IGF1R: variants seen among roughly 807,000 people sequenced by gnomAD.
IGF1R encodes insulin like growth factor 1 receptor.
Under a neutral mutation model 144.6 loss-of-function variants are expected in IGF1R, and 44 were observed. The observed-to-expected ratio is 0.30, with a 90% CI of 0.24 to 0.39. IGF1R has a LOEUF of 0.39. IGF1R is among the 10% of genes least tolerant of loss of function. The pLI is 1.00. For missense variants in IGF1R, 1,355 were observed against 1,833.7 expected (o/e 0.74, Z 4.77); for synonymous variants, 795 against 722.8 (o/e 1.10, Z -1.60).
rs1359604774 is a variant in IGF1R at position 98,649,348 on chromosome 15, G to A, written c.-234G>A. The stretch of plus-strand genomic sequence containing the variant: ...CGGGTTCCCGACTCCGCCGAGCCCT[G>A]GGCCGCTGCTGCCGGCGCTGAGGGG... On this transcript the variant is annotated 5_prime_UTR_variant, in exon 1 of 21. Transcript: ENST00000650285. 4 of 226,040 alleles carry A rather than the reference G, an allele frequency of 1.8e-5. No homozygotes were observed. Among genetic ancestry groups the A allele is most frequent in the African/African-American group, 4.6e-5 (2 of 43,716 alleles). 14.0% of individuals were successfully genotyped at this position (226,040 alleles called of 1,614,324 possible).
chr15:98,952,038 C>T (rs1360455426), intron 20 of IGF1R, among the ~76,000 whole-genome samples: 1 of 152,192 alleles, frequency 6.6e-6, no homozygotes, highest in African/African-American at 2.4e-5. Flanking sequence ...ATTCTTAGCT[C>T]ATAGACCTTG....
chr15:98,804,851 C>A (rs1017483165), intron 2 of IGF1R, among the ~76,000 whole-genome samples: 1 of 152,148 alleles, frequency 6.6e-6, no homozygotes, highest in African/African-American at 2.4e-5. Flanking sequence ...TGCACCACCA[C>A]GCCTGGCTAA....
chr15:98,769,942 C>G (rs532049972), intron 2 of IGF1R, among the ~76,000 whole-genome samples: 15 of 152,188 alleles, frequency 9.9e-5, no homozygotes, highest in African/African-American at 3.1e-4. Flanking sequence ...CTGGATTATT[C>G]CGGTGAGTGT....
intron 2 of IGF1R, among the ~76,000 whole-genome samples, chr15:98,845,499 C>T (rs1337362372): frequency 3.3e-4 from 41 of 125,496 alleles, no homozygotes; most frequent in Admixed American, 8.8e-4. Flanking sequence ...CCTTCCTTCT[C>T]CTCCTCCCTC....
rs1482318272 is a variant in IGF1R, at chr15:98,856,987, A to AC, written c.641-34334dup. Among the ~76,000 whole-genome samples the AC allele has an allele frequency of 7.3e-5, 11 of 151,714 alleles. No homozygotes were observed. The South Asian group carries it at 2.3e-3, about 32-fold the overall frequency. The stretch of plus-strand genomic sequence containing the variant: ...TGATTTGCCCTTTCTCCTGTAAATG[A>AC]CCCCTTTCTCTTAAGTTTTGGGTGA... On this transcript the variant is annotated intron_variant, in intron 2 of 20. Coordinates refer to ENST00000650285, the MANE Select transcript of IGF1R (RefSeq NM_000875.5).
intron 1 of IGF1R, among the ~76,000 whole-genome samples, chr15:98,678,550 G>A (rs897714809): frequency 6.6e-6 from 1 of 151,674 alleles, no homozygotes; most frequent in Non-Finnish European, 1.5e-5. Context: ...TGTTGGTGTT[G>A]TTTTTAGTCT....
chr15:98,859,936 G>GA (rs1479145744), intron 2 of IGF1R, among the ~76,000 whole-genome samples: 1 of 152,152 alleles, frequency 6.6e-6, no homozygotes, highest in Non-Finnish European at 1.5e-5. Context: ...TTTCTTTTGA[G>GA]ATGGAGTCTT....
chr15:98,955,700 C>T (rs945490591), intron 20 of IGF1R, among the ~76,000 whole-genome samples: 3 of 152,256 alleles, frequency 2.0e-5, no homozygotes, highest in Non-Finnish European at 4.4e-5. Flanking sequence ...CTTCTCTTGG[C>T]AGGCCAGCTT....
intron 1 of IGF1R, among the ~76,000 whole-genome samples, chr15:98,706,329 A>C (rs2053861823): frequency 6.6e-6 from 1 of 152,258 alleles, no homozygotes; most frequent in African/African-American, 2.4e-5. Context: ...ACTTGGGATT[A>C]TTAAATCCTA....
intron 1 of IGF1R, among the ~76,000 whole-genome samples, chr15:98,702,643 A>T (rs2053763923): frequency 6.6e-6 from 1 of 152,186 alleles, no homozygotes; most frequent in Non-Finnish European, 1.5e-5. Context: ...GGCTTTCTTT[A>T]AAATGGCATC....
chr15:98,957,379 C>T lies in IGF1R; in HGVS notation c.4041C>T (p.Ala1347=), dbSNP rs749095736. 1.9e-6 allele frequency: 3 copies of T among 1,613,296 alleles called. No individual in the cohort carries two copies. The highest frequency in any genetic ancestry group is 1.3e-5 in the African/African-American group (1 of 74,956). ...GCTTCGACGAGAGACAGCCTTACGCCCACATGAACGGGGGCCGCAAGAACG... is the reference window on the plus strand; with the variant it reads ...GCTTCGACGAGAGACAGCCTTACGCTCACATGAACGGGGGCCGCAAGAACG... ...RASFDERQPY[A]HMNGGRKNER... is the part of the protein sequence containing the mutation. The change falls in exon 21 of 21, where the codon GCC becomes GCT. Residue 1347 remains alanine (A), a synonymous_variant. Coordinates refer to ENST00000650285, the MANE Select transcript of IGF1R (RefSeq NM_000875.5).
At chr15:98,846,729 A>T (rs570079173) in intron 2 of IGF1R, among the ~76,000 whole-genome samples, 1 of 152,360 alleles carries the variant, frequency 6.6e-6, no homozygotes, top group Non-Finnish European at 1.5e-5. Flanking sequence ...GCTGCCTTAA[A>T]GGCATTGGAT....
intron 5 of IGF1R, among the ~76,000 whole-genome samples, chr15:98,907,112 A>T (rs2014770690): frequency 6.6e-6 from 1 of 152,194 alleles, no homozygotes; most frequent in African/African-American, 2.4e-5. Flanking sequence ...GCACTAAGGG[A>T]TCTGCGCATG....
intron 1 of IGF1R, among the ~76,000 whole-genome samples, chr15:98,683,174 A>G (rs2053234513): frequency 6.6e-6 from 1 of 152,040 alleles, no homozygotes; most frequent in Non-Finnish European, 1.5e-5. Context: ...GTGTTCATCA[A>G]AAGGGGTGGA....
chr15:98,705,678 G>A (rs1397533584), intron 1 of IGF1R, among the ~76,000 whole-genome samples: 1 of 152,156 alleles, frequency 6.6e-6, no homozygotes, highest in Non-Finnish European at 1.5e-5. Flanking sequence ...CTCAGTTTCT[G>A]TCTTTGATTG....
At chr15:98,875,349 C>CTTTTTTTTTTT (rs34303390) in intron 2 of IGF1R, among the ~76,000 whole-genome samples, 11 of 130,170 alleles carry the variant, frequency 8.5e-5, no homozygotes, top group East Asian at 4.3e-4. Context: ...CTTTTCTTTT[C>CTTTTTTTTTTT]TTTTTTTTTT....
chr15:98,664,945 T>G (rs976733190), intron 1 of IGF1R, among the ~76,000 whole-genome samples: 1 of 150,420 alleles, frequency 6.6e-6, no homozygotes, highest in African/African-American at 2.5e-5. Flanking sequence ...ACTGCAGAAT[T>G]AGGAACCAGC....
chr15:98,788,064 G>C (rs7162690), intron 2 of IGF1R, among the ~76,000 whole-genome samples: 1 of 140,640 alleles, frequency 7.1e-6, no homozygotes, highest in African/African-American at 3.0e-5. Context: ...CTCTCTCTCT[G>C]TGTGTGTGTG....
intron 1 of IGF1R, among the ~76,000 whole-genome samples, chr15:98,657,428 A>G (rs2052512327): frequency 6.6e-6 from 1 of 152,222 alleles, no homozygotes; most frequent in Non-Finnish European, 1.5e-5. Flanking sequence ...TTGTGTCCAC[A>G]TTTATCTGTG....
Sources: gnomAD v4.1 joint callset for allele counts (sites outside exome capture counted in the v4.1 genomes callset) on GRCh38, gnomAD v4.1.1 for gene constraint, MANE v1.5 for transcripts, NCBI Gene and HGNC (gene_info 2026-07-23, HGNC 2026-07-21) for gene names.